The following DST variants were observed in gnomAD, a reference collection of about 807,000 sequenced individuals.
DST encodes bullous pemphigoid antigen.
Under a neutral mutation model 875.2 loss-of-function variants are expected in DST, and 253 were observed. That is an observed-to-expected ratio of 0.29 (90% CI 0.26 to 0.32). The LOEUF (loss-of-function observed/expected upper bound fraction) is 0.32, where lower values mean the gene tolerates loss of function less well. Ranked by LOEUF, DST falls within the 10% of genes least tolerant of loss-of-function variation. The pLI is 1.00. For missense variants in DST, 8,287 were observed against 9,111.6 expected, an observed-to-expected ratio of 0.91 and a Z score of 3.68; for synonymous variants, 3,124 against 3,197.1, an observed-to-expected ratio of 0.98 and a Z score of 0.77.
intron 9 of DST, among the ~76,000 whole-genome samples, chr6:56,684,541 AC>A (rs1175627593): frequency 6.6e-6 from 1 of 152,190 alleles, no homozygotes; most frequent in Non-Finnish European, 1.5e-5. Context: ...AAAAGAGGTG[AC>A]GTCATTTGCG....
At chr6:56,778,557 C>T (rs868584578) in intron 4 of DST, among the ~76,000 whole-genome samples, 66 of 129,238 alleles carry the variant, frequency 5.1e-4, no homozygotes, top group Middle Eastern at 7.8e-3. Context: ...CAACAGGCCC[C>T]GGTGTGTGAT....
chr6:56,746,606 G>A (rs1034148204), intron 4 of DST, among the ~76,000 whole-genome samples: 4 of 152,152 alleles, frequency 2.6e-5, no homozygotes, highest in Admixed American at 1.3e-4. Context: ...ATATCATGAG[G>A]AAGAGCAGTT....
chr6:56,877,001 T>G (rs1779894318), intron 3 of DST, among the ~76,000 whole-genome samples: 1 of 152,236 alleles, frequency 6.6e-6, no homozygotes, highest in Admixed American at 6.5e-5. Context: ...TATCTCCTAG[T>G]CATTTTTTCC....
At chr6:56,577,830 A>C (rs2097897725) in intron 50 of DST, among the ~76,000 whole-genome samples, 5 of 152,340 alleles carry the variant, frequency 3.3e-5, no homozygotes, top group South Asian at 4.1e-4. Context: ...ATGTATTGAT[A>C]ATCCACTGCA....
intron 87 of DST, 146 bp downstream of exon 87, chr6:56,486,958 C>CTATGTGTGTGGGATACTTA: frequency 3.3e-6 from 2 of 601,488 alleles, no homozygotes. Flanking sequence ...AATGCAAGTG[C>CTATGTGTGTGGGATACTTA]TATGTGTGTG....
chr6:56,545,021 C>A (rs1450678267), intron 61 of DST, among the ~76,000 whole-genome samples: 1 of 151,998 alleles, frequency 6.6e-6, no homozygotes, highest in Non-Finnish European at 1.5e-5. Flanking sequence ...ATCACATTTT[C>A]TTTTTTTCTG....
chr6:56,586,662 A>C (rs902254684), intron 49 of DST, among the ~76,000 whole-genome samples: 4 of 152,114 alleles, frequency 2.6e-5, no homozygotes, highest in African/African-American at 7.2e-5. Flanking sequence ...GGCACCCCCC[A>C]GTAGGGGCAG....
At chr6:56,487,298 G>A (rs560442009) in intron 86 of DST, 25 bp from the exon 87 acceptor site, 2 of 1,520,768 alleles carry the variant, frequency 1.3e-6, no homozygotes, top group Admixed American at 2.1e-5. Flanking sequence ...AGAAAAAAAT[G>A]CGAATTTCTT....
At chr6:56,928,018 C>A (rs1389816527) in intron 2 of DST, among the ~76,000 whole-genome samples, 1 of 152,142 alleles carries the variant, frequency 6.6e-6, no homozygotes, top group African/African-American at 2.4e-5. Context: ...GGGCACTGCT[C>A]AGCTGCTCAG....
In DST at chr6:56,861,671, C is replaced by A. The variant is rs148030350; in HGVS notation, c.418-10067G>T. On this transcript the variant is annotated intron_variant, in intron 3 of 103. Transcript: ENST00000680361. ...CTGGACCTGTCCCTTCCTTGCTTTACCCCTAGAGGAAGCTATATGGCAGGA... is the reference window on the plus strand; with the variant it reads ...CTGGACCTGTCCCTTCCTTGCTTTAACCCTAGAGGAAGCTATATGGCAGGA... Among the ~76,000 whole-genome samples, 1,369 of 152,218 alleles carry A rather than the reference C, an allele frequency of 9.0e-3. 18 individuals carry two copies. Among genetic ancestry groups the A allele is most frequent in the African/African-American group, 0.031 (1,285 of 41,524 alleles).
intron 2 of DST, among the ~76,000 whole-genome samples, chr6:56,944,867 C>T (rs1818651119): frequency 6.6e-6 from 1 of 152,172 alleles, no homozygotes; most frequent in Non-Finnish European, 1.5e-5. Flanking sequence ...GAAGGGTAAG[C>T]AGAAATCTAA....
chr6:56,459,749 G>T (rs988138121), intron 103 of DST, among the ~76,000 whole-genome samples: 2 of 152,134 alleles, frequency 1.3e-5, no homozygotes, highest in African/African-American at 4.8e-5. Context: ...GAGATTAGTA[G>T]GTTCATTATT....
intron 4 of DST, among the ~76,000 whole-genome samples, chr6:56,833,244 A>G (rs886075865): frequency 6.6e-6 from 1 of 152,200 alleles, no homozygotes; most frequent in Non-Finnish European, 1.5e-5. Flanking sequence ...AACTCAACTC[A>G]TGTTTTTAAA....
At chr6:56,697,591 C>T (rs965654756) in intron 9 of DST, among the ~76,000 whole-genome samples, 1 of 152,102 alleles carries the variant, frequency 6.6e-6, no homozygotes, top group African/African-American at 2.4e-5. Context: ...AAAGTAGTAA[C>T]ATGACTGGCA....
Position 56,492,345 on chromosome 6 carries a change from T to C in DST, c.20639A>G (p.Gln6880Arg). 1.2e-6 allele frequency: 2 copies of C among 1,613,876 alleles called. No homozygotes were observed. Among genetic ancestry groups the C allele is most frequent in the Non-Finnish European group, 1.7e-6 (2 of 1,179,826 alleles). ...TAGATTCTTGATTAGAACAACATCT[T>C]GTTTCTGACTAAAATATTTTAGGTG... ...GTHLKYFSQK[Q>R]DVVLIKNLLI... is the part of the protein sequence containing the mutation. Residue 6880 changes from glutamine (Q) to arginine (R), a missense_variant, in exon 85 of 104, where the codon CAA (glutamine) becomes CGA (arginine). Coordinates refer to ENST00000680361, the MANE Select transcript of DST (RefSeq NM_001374736.1).
At chr6:56,660,623 A>C (rs940138614) in intron 10 of DST, among the ~76,000 whole-genome samples, 1 of 151,804 alleles carries the variant, frequency 6.6e-6, no homozygotes, top group African/African-American at 2.4e-5. Context: ...CAAAAAAAAA[A>C]AAAGAAAAAA....
At position 56,478,289 on chromosome 6, in the gene DST, TG is replaced by T. The variant is rs1349432211; in HGVS notation, c.21532-802del. On this transcript the variant is annotated intron_variant, in intron 90 of 103. Coordinates refer to ENST00000680361, the MANE Select transcript of DST (RefSeq NM_001374736.1). ...GCCTGGGTAAGGAAAGATAAATGTT[TG>T]GGGGTATGGGAGAGAGGGCCCAAAG... 2.6e-5 allele frequency among the ~76,000 whole-genome samples: 4 copies of T among 152,028 alleles called. No individual in the cohort carries two copies. In the East Asian group the frequency reaches 5.8e-4, roughly 22 times the overall value.
At position 56,819,313 on chromosome 6, in the gene DST, G is replaced by A. The variant is rs61542785; in HGVS notation, c.625+32084C>T. Among the ~76,000 whole-genome samples, 3 of 151,988 alleles carry A rather than the reference G, an allele frequency of 2.0e-5. No individual in the cohort carries two copies. In the East Asian group the frequency reaches 5.8e-4, roughly 29 times the overall value. The stretch of plus-strand genomic sequence containing the variant: ...AAAACATCAGTCTCTGAACTTCCAG[G>A]GTACACTGTTCCTCAACAAGGTTTG... On this transcript the variant is annotated intron_variant, in intron 4 of 103. Coordinates refer to ENST00000680361, the MANE Select transcript of DST (RefSeq NM_001374736.1).
In DST at chr6:56,573,277, C is replaced by G. The variant is rs1014310; in HGVS notation, c.13237-213G>C. 0.32 allele frequency among the ~76,000 whole-genome samples: 48,970 copies of G among 151,972 alleles called. 9,088 individuals are homozygous for G. Among genetic ancestry groups the G allele is most frequent in the Non-Finnish European group, 0.41 (27,757 of 67,934 alleles). On this transcript the variant is annotated intron_variant, in intron 51 of 103. Coordinates refer to ENST00000680361, the MANE Select transcript of DST (RefSeq NM_001374736.1). ...AGTGAAGAACAGCTGGCTAGTTGGT[C>G]GAAAGAGGCAGGAGGCTGCTGCTAC...
Sources: allele counts gnomAD v4.1 joint callset (sites outside exome capture counted in the v4.1 genomes callset), GRCh38; gene constraint gnomAD v4.1.1; transcripts MANE v1.5; gene names NCBI Gene and HGNC (gene_info 2026-07-23, HGNC 2026-07-21).